Variants in ITPKB observed in about 807,000 individuals in gnomAD.
ITPKB encodes the protein inositol-trisphosphate 3-kinase B.
ITPKB carries 13 observed loss-of-function variants against 69.4 expected under a neutral mutation model. That is an observed-to-expected ratio of 0.19 (90% CI 0.12 to 0.30). The LOEUF (loss-of-function observed/expected upper bound fraction) is 0.30. ITPKB is among the 10% of genes least tolerant of loss of function. ITPKB has a pLI of 1.00. For missense variants in ITPKB, 1,240 were observed against 1,250.5 expected, an observed-to-expected ratio of 0.99 and a Z score of 0.13; for synonymous variants, 584 against 513.7, an observed-to-expected ratio of 1.14 and a Z score of -1.85.
rs571721647 is a variant in ITPKB, at chr1:226,738,529, GCGCCCTGTTGCCGAGGA to G, written c.-206+495_-206+511del. ...CGCGCGGAGCGAGTCCGCTCTCAGCGCGCCCTGTTGCCGAGGACGCGACTGCCCCTGCGGGCTCCCGG... is the reference window on the plus strand; with the variant it reads ...CGCGCGGAGCGAGTCCGCTCTCAGCGCGCGACTGCCCCTGCGGGCTCCCGG... On this transcript the variant is annotated intron_variant, in intron 1 of 7. Transcript: ENST00000429204. The surrounding 1 kb of genome is among the most constrained non-coding windows in gnomAD (Gnocchi z 4.2). Among the ~76,000 whole-genome samples the G allele has an allele frequency of 6.6e-6, 1 of 152,312 alleles. No homozygotes were observed. Among genetic ancestry groups the G allele is most frequent in the South Asian group, 2.1e-4 (1 of 4,826 alleles).
intron 3 of ITPKB, 135 bp downstream of exon 3, chr1:226,648,537 T>G: frequency 1.5e-6 from 1 of 686,070 alleles, no homozygotes; most frequent in Non-Finnish European, 2.7e-6. Context: ...AGCCTGCAAG[T>G]GTGGCTGTGA....
intron 2 of ITPKB, among the ~76,000 whole-genome samples, chr1:226,667,826 A>ATGTATGTGTGTG (rs1669533054): frequency 2.0e-5 from 3 of 148,386 alleles, no homozygotes; most frequent in Non-Finnish European, 4.5e-5. Context: ...GATGAGGAAA[A>ATGTATGTGTGTG]TGTGTGTGTG....
chr1:226,694,478 A>T (rs1254261421), intron 2 of ITPKB, among the ~76,000 whole-genome samples: 1 of 152,250 alleles, frequency 6.6e-6, no homozygotes, highest in East Asian at 1.9e-4. Flanking sequence ...GTCCTCAATA[A>T]CAACTGATCA....
At chr1:226,649,325 G>A (rs764515615) in intron 2 of ITPKB, among the ~76,000 whole-genome samples, 3 of 145,790 alleles carry the variant, frequency 2.1e-5, no homozygotes, top group African/African-American at 2.7e-5. Context: ...ATGTGTGCAT[G>A]AGTGTGTGCG....
chr1:226,726,090 C>T (rs1427777985), intron 2 of ITPKB, among the ~76,000 whole-genome samples: 4 of 152,158 alleles, frequency 2.6e-5, no homozygotes, highest in Admixed American at 6.5e-5. Flanking sequence ...ACTGTATACA[C>T]GTCTTATTTG....
chr1:226,644,664 T>C (rs1179477645), intron 4 of ITPKB, among the ~76,000 whole-genome samples: 2 of 152,204 alleles, frequency 1.3e-5, no homozygotes, highest in Non-Finnish European at 2.9e-5. Context: ...TTCTCCTTAG[T>C]GCCACCCTTC....
In ITPKB at chr1:226,717,613, T is replaced by C. The variant is rs566607999; in HGVS notation, c.1932+17914A>G. 3.3e-5 allele frequency among the ~76,000 whole-genome samples: 5 copies of C among 152,220 alleles called. No homozygotes were observed. In the South Asian group the frequency reaches 1.0e-3, roughly 32 times the overall value. On this transcript the variant is annotated intron_variant, in intron 2 of 7. Transcript: ENST00000429204. ...TCTTTTTATTTCCAGGCCCCAACAA[T>C]CAATAAACAACTTTCCTTAAATAAT...
intron 2 of ITPKB, among the ~76,000 whole-genome samples, chr1:226,662,988 G>A (rs1173575730): frequency 6.6e-6 from 1 of 152,154 alleles, no homozygotes; most frequent in Non-Finnish European, 1.5e-5. Flanking sequence ...CCTGTGTCTC[G>A]GTTCAGCAGT....
intron 2 of ITPKB, among the ~76,000 whole-genome samples, chr1:226,734,403 A>G (rs1329833066): frequency 2.6e-5 from 4 of 152,232 alleles, no homozygotes; most frequent in African/African-American, 9.7e-5. Context: ...CAGAGTAGAA[A>G]CATAAAGCTC....
In ITPKB at chr1:226,634,695, C is replaced by T. The variant is rs774974157; in HGVS notation, c.2817G>A (p.Met939Ile). Residue 939 changes from methionine to isoleucine, a missense_variant, in exon 8 of 8, where the codon ATG (methionine) becomes ATA (isoleucine). Transcript: ENST00000429204. The surrounding 1 kb of genome is among the most constrained non-coding windows in gnomAD (Gnocchi z 6.3). Reference protein sequence around the residue: ...LNNLVDILTEMSQDAPLA With the variant: ...LNNLVDILTEISQDAPLA ...CTCAGGCGAGTGGGGCATCCTGGGA[C>T]ATCTCGGTCAGGATGTCGACGAGGT... 1 of 879,680 alleles carries T rather than the reference C, an allele frequency of 1.1e-6. No individual in the cohort carries two copies. Among genetic ancestry groups the T allele is most frequent in the Non-Finnish European group, 2.0e-6 (1 of 508,796 alleles). The allele number at this position is 879,680 out of a possible 1,614,324, so 54.5% of individuals were successfully genotyped here.
At chr1:226,685,824 C>G (rs1206129585) in intron 2 of ITPKB, among the ~76,000 whole-genome samples, 1 of 152,256 alleles carries the variant, frequency 6.6e-6, no homozygotes, top group Non-Finnish European at 1.5e-5. Flanking sequence ...ATTCCACTTT[C>G]TCATCCATGA....
rs1668794455 is a variant in ITPKB at position 226,634,797 on chromosome 1, A to G, written c.2715T>C (p.Pro905=). The G allele has an allele frequency of 1.2e-6, 2 of 1,602,662 alleles. No individual in the cohort carries two copies. Among genetic ancestry groups the G allele is most frequent in the Non-Finnish European group, 1.7e-6 (2 of 1,169,586 alleles). The change falls in exon 8 of 8, where the codon CCT becomes CCC. Residue 905 remains proline (P), a synonymous_variant. Coordinates refer to ENST00000429204, the MANE Select transcript of ITPKB (RefSeq NM_002221.4). The surrounding 1 kb of genome is among the most constrained non-coding windows in gnomAD (Gnocchi z 6.3). ...MIDFGKTTPL[P]EGQTLQHDVP... ...CGTCATGCTGCAGGGTCTGGCCCTCAGGCAGGGGCGTGGTTTTCCCAAAGT... is the reference window on the plus strand; with the variant it reads ...CGTCATGCTGCAGGGTCTGGCCCTCGGGCAGGGGCGTGGTTTTCCCAAAGT...
At chr1:226,735,468 G>GTGGT in intron 2 of ITPKB, 59 bp downstream of exon 2, 1 of 1,445,532 alleles carries the variant, frequency 6.9e-7, no homozygotes. Flanking sequence ...GATGCATAGG[G>GTGGT]CATCAAAAGT....
intron 2 of ITPKB, among the ~76,000 whole-genome samples, chr1:226,710,107 G>C (rs910004490): frequency 6.6e-6 from 1 of 152,094 alleles, no homozygotes; most frequent in African/African-American, 2.4e-5. Context: ...CCTGACTCAC[G>C]GCCTCCTTCA....
intron 2 of ITPKB, among the ~76,000 whole-genome samples, chr1:226,669,832 G>C (rs1347719631): frequency 6.6e-6 from 1 of 150,914 alleles, no homozygotes; most frequent in African/African-American, 2.4e-5. Context: ...ATATATGTTT[G>C]CCTATTAGCA....
chr1:226,724,925 G>A (rs1657362272), intron 2 of ITPKB, among the ~76,000 whole-genome samples: 2 of 152,164 alleles, frequency 1.3e-5, no homozygotes, highest in Non-Finnish European at 2.9e-5. Flanking sequence ...CAGCCTCCGT[G>A]AGCCTCTGGA....
chr1:226,675,383 C>A (rs888056074), intron 2 of ITPKB, among the ~76,000 whole-genome samples: 6 of 152,188 alleles, frequency 3.9e-5, no homozygotes, highest in African/African-American at 1.2e-4. Flanking sequence ...TCAAGACAGT[C>A]CAATCACGAA....
intron 2 of ITPKB, among the ~76,000 whole-genome samples, chr1:226,711,009 C>T (rs1045960785): frequency 5.9e-5 from 9 of 152,178 alleles, no homozygotes; most frequent in South Asian, 2.1e-4. Flanking sequence ...TCTGAGCATG[C>T]GGCCTGTGCA....
intron 2 of ITPKB, among the ~76,000 whole-genome samples, chr1:226,686,344 T>C (rs966492095): frequency 1.3e-5 from 2 of 152,182 alleles, no homozygotes; most frequent in African/African-American, 4.8e-5. Flanking sequence ...AGGGAAGCCA[T>C]AGTCAGTTTC....
Sources: gnomAD v4.1 joint callset for allele counts (sites outside exome capture counted in the v4.1 genomes callset) on GRCh38, gnomAD v4.1.1 for gene constraint, Gnocchi (gnomAD v3.1) non-coding constraint, MANE v1.5 for transcripts, NCBI Gene and HGNC (gene_info 2026-07-23, HGNC 2026-07-21) for gene names.